Variants in TRIM44 observed in about 807,000 individuals in gnomAD.
TRIM44 encodes tripartite motif-containing protein 44.
In TRIM44, 13 loss-of-function variants were observed where a neutral mutation model predicts 37.4. The ratio of observed to expected loss-of-function variants is 0.35; its 90% confidence interval spans 0.23 to 0.55. The LOEUF is 0.55. Ranked by LOEUF, TRIM44 falls within the 20% of genes least tolerant of loss-of-function variation. The pLI is 0.89. For missense variants in TRIM44, 426 were observed against 437.2 expected, an observed-to-expected ratio of 0.97 and a Z score of 0.23; for synonymous variants, 175 against 157.2, an observed-to-expected ratio of 1.11 and a Z score of -0.85.
In TRIM44 at chr11:35,748,764, A is replaced by G. The variant is rs139722344; in HGVS notation, c.1007+13319A>G. On this transcript the variant is annotated intron_variant, in intron 4 of 4. Transcript: ENST00000299413. ...AGAATATCCTTTTCTTTTGAGATCTATCAGGCTCATAGCTCAAGATTAGCC... is the reference window on the plus strand; with the variant it reads ...AGAATATCCTTTTCTTTTGAGATCTGTCAGGCTCATAGCTCAAGATTAGCC... 2.5e-4 allele frequency among the ~76,000 whole-genome samples: 38 copies of G among 152,360 alleles called. 1 individual carries two copies. Among genetic ancestry groups the G allele is most frequent in the South Asian group, 2.5e-3 (12 of 4,826 alleles).
intron 2 of TRIM44, among the ~76,000 whole-genome samples, chr11:35,702,515 A>T (rs1851803468): frequency 6.6e-6 from 1 of 152,140 alleles, no homozygotes; most frequent in African/African-American, 2.4e-5. Context: ...ATCTTTATTG[A>T]GCGCCAGCTG....
intron 4 of TRIM44, among the ~76,000 whole-genome samples, chr11:35,787,903 G>A (rs1454100170): frequency 6.6e-6 from 1 of 151,840 alleles, no homozygotes; most frequent in Non-Finnish European, 1.5e-5. Context: ...TCACTTCCTA[G>A]CCTTTGTAAT....
intron 4 of TRIM44, among the ~76,000 whole-genome samples, chr11:35,779,109 CAGCTGCTTTGTTTGCCACTCA>C (rs1339451944): frequency 1.3e-5 from 2 of 152,204 alleles, no homozygotes; most frequent in Middle Eastern, 3.2e-3. Context: ...TCGAGCTTCC[CAGCTGCTTTGTTTGCCACTCA>C]AGCCTCAGCA....
intron 2 of TRIM44, among the ~76,000 whole-genome samples, chr11:35,709,063 C>G (rs987190703): frequency 2.0e-5 from 3 of 152,008 alleles, no homozygotes; most frequent in Non-Finnish European, 2.9e-5. Context: ...AAAACGTACC[C>G]CATTACTTAT....
rs940196491 is a variant in TRIM44 at position 35,815,955 on chromosome 11, C to T, written c.*9570C>T. 1 of 152,160 alleles carries T rather than the reference C, an allele frequency of 6.6e-6. No homozygotes were observed. Among genetic ancestry groups the T allele is most frequent in the Non-Finnish European group, 1.5e-5 (1 of 68,038 alleles). 9.4% of individuals were successfully genotyped at this position (152,160 alleles called of 1,614,324 possible). ...CTTCTAATAATCACTGAAACAGCCT[C>T]ATGAGGACATGCAAAACTGCTGTCT... is the stretch of plus-strand genomic sequence containing the variant. On this transcript the variant is annotated 3_prime_UTR_variant, in exon 5 of 5. Transcript: ENST00000299413.
chr11:35,706,860 G>T (rs1386594610), intron 2 of TRIM44, among the ~76,000 whole-genome samples: 2 of 151,088 alleles, frequency 1.3e-5, no homozygotes. Context: ...CACAAGACAG[G>T]GATGCCCTCT....
chr11:35,663,846 C>T (rs1424362223), intron 1 of TRIM44, 66 bp downstream of exon 1: 3 of 1,518,670 alleles, frequency 2.0e-6, no homozygotes, highest in Non-Finnish European at 2.6e-6. Context: ...CTCAGGTGGC[C>T]TGGCTGTGAC....
chr11:35,789,388 G>A (rs1049448763), intron 4 of TRIM44, among the ~76,000 whole-genome samples: 5 of 152,210 alleles, frequency 3.3e-5, no homozygotes, highest in Admixed American at 1.3e-4. Flanking sequence ...TTTAGTATGT[G>A]TAGGGTAGTG....
At chr11:35,710,534 T>C (rs937011790) in intron 2 of TRIM44, among the ~76,000 whole-genome samples, 2 of 152,138 alleles carry the variant, frequency 1.3e-5, no homozygotes, top group Admixed American at 1.3e-4. Context: ...TAGCTTTGAG[T>C]TCAGGCATGA....
chr11:35,731,035 A>C (rs1852251509), intron 3 of TRIM44, among the ~76,000 whole-genome samples: 1 of 152,074 alleles, frequency 6.6e-6, no homozygotes, highest in African/African-American at 2.4e-5. Flanking sequence ...TGCCATCTAC[A>C]AATAGAGACA....
intron 4 of TRIM44, among the ~76,000 whole-genome samples, chr11:35,802,667 G>C (rs1853385823): frequency 6.6e-6 from 1 of 152,150 alleles, no homozygotes; most frequent in South Asian, 2.1e-4. Context: ...AACTAGATCA[G>C]TGACCGAGCT....
chr11:35,725,663 A>T (rs1181511859), intron 2 of TRIM44, among the ~76,000 whole-genome samples: 2 of 152,026 alleles, frequency 1.3e-5, no homozygotes, highest in African/African-American at 4.8e-5. Context: ...TATTCATCGT[A>T]TATATTACTG....
intron 4 of TRIM44, among the ~76,000 whole-genome samples, chr11:35,801,094 C>T (rs553673530): frequency 1.4e-4 from 22 of 152,172 alleles, no homozygotes; most frequent in East Asian, 9.6e-4. Flanking sequence ...GAAGGCAACT[C>T]GCTCTGTCTA....
At chr11:35,666,450 T>C (rs1222812250) in intron 1 of TRIM44, among the ~76,000 whole-genome samples, 4 of 152,218 alleles carry the variant, frequency 2.6e-5, no homozygotes, top group African/African-American at 9.7e-5. Context: ...TAAGCCAATA[T>C]AGGGAGAATT....
At chr11:35,748,407 A>T (rs574655785) in intron 4 of TRIM44, among the ~76,000 whole-genome samples, 1 of 152,342 alleles carries the variant, frequency 6.6e-6, no homozygotes, top group East Asian at 1.9e-4. Flanking sequence ...TGTTAATGAA[A>T]GTAGCCAGCA....
intron 4 of TRIM44, among the ~76,000 whole-genome samples, chr11:35,736,284 T>C (rs1852325452): frequency 6.6e-6 from 1 of 152,194 alleles, no homozygotes; most frequent in African/African-American, 2.4e-5. Flanking sequence ...AGAACCTCAA[T>C]GTGTAAAAAA....
At chr11:35,797,879 T>G (rs1156619800) in intron 4 of TRIM44, among the ~76,000 whole-genome samples, 1 of 152,202 alleles carries the variant, frequency 6.6e-6, no homozygotes, top group Non-Finnish European at 1.5e-5. Flanking sequence ...AACTTTAGTA[T>G]GAAGGTATCA....
At chr11:35,699,434 G>T (rs1209772817) in intron 2 of TRIM44, among the ~76,000 whole-genome samples, 1 of 151,998 alleles carries the variant, frequency 6.6e-6, no homozygotes, top group Non-Finnish European at 1.5e-5. Context: ...AATAAATTAG[G>T]TATTGATGGG....
At chr11:35,757,154 C>T (rs939265365) in intron 4 of TRIM44, among the ~76,000 whole-genome samples, 1 of 152,138 alleles carries the variant, frequency 6.6e-6, no homozygotes, top group African/African-American at 2.4e-5. Context: ...AGTTGGTAAG[C>T]TATTAATTAT....
Sources: allele counts gnomAD v4.1 joint callset (sites outside exome capture counted in the v4.1 genomes callset), GRCh38; gene constraint gnomAD v4.1.1; transcripts MANE v1.5; gene names NCBI Gene and HGNC (gene_info 2026-07-23, HGNC 2026-07-21).